Variants in TMEM131 observed in about 807,000 individuals in gnomAD.
TMEM131 encodes the protein transmembrane protein 131, also known as 2610524E03Rik.
TMEM131 carries 66 observed loss-of-function variants against 211.6 expected under a neutral mutation model. The ratio of observed to expected loss-of-function variants is 0.31; its 90% CI spans 0.26 to 0.38. The LOEUF (loss-of-function observed/expected upper bound fraction) is 0.38. TMEM131 is among the 10% of genes least tolerant of loss of function. The pLI is 1.00. For synonymous variants in TMEM131, 844 were observed against 841.3 expected, an observed-to-expected ratio of 1.00 and a Z score of -0.06; for missense variants, 2,036 against 2,299.3, an observed-to-expected ratio of 0.89 and a Z score of 2.34.
At chr2:97,868,113 C>T (rs1190867232) in intron 4 of TMEM131, among the ~76,000 whole-genome samples, 3 of 152,174 alleles carry the variant, frequency 2.0e-5, no homozygotes, top group Non-Finnish European at 4.4e-5. Context: ...ATGCATATTT[C>T]GAGTTGTTAT....
chr2:97,842,058 C>A (rs1158293529), intron 6 of TMEM131, 121 bp from the exon 7 acceptor site: 2 of 1,010,224 alleles, frequency 2.0e-6, no homozygotes, highest in Non-Finnish European at 2.6e-6. Flanking sequence ...TTAACAATCC[C>A]TTTATTTAAA....
At chr2:97,785,629 T>C (rs1302884728) in intron 31 of TMEM131, among the ~76,000 whole-genome samples, 11 of 152,194 alleles carry the variant, frequency 7.2e-5, no homozygotes, top group Admixed American at 5.9e-4. Context: ...AAATGAAATA[T>C]GCAACTATCA....
intron 11 of TMEM131, among the ~76,000 whole-genome samples, chr2:97,832,863 T>A (rs1438603319): frequency 6.6e-6 from 1 of 152,150 alleles, no homozygotes; most frequent in African/African-American, 2.4e-5. Flanking sequence ...AGGGCCTTAG[T>A]TTATAATGTG....
At chr2:97,943,046 AAAG>A (rs796670622) in intron 1 of TMEM131, among the ~76,000 whole-genome samples, 3,503 of 100,436 alleles carry the variant, frequency 0.035, 120 homozygotes, top group African/African-American at 0.044. Flanking sequence ...GAAAAGAAAG[AAAG>A]AAAGAAAGAA....
chr2:97,760,039 G>A, intron 38 of TMEM131: 1 of 366,648 alleles, frequency 2.7e-6, no homozygotes, highest in South Asian at 4.1e-5. Context: ...GGTACTGGAA[G>A]ATTTATTTAA....
intron 1 of TMEM131, among the ~76,000 whole-genome samples, chr2:97,955,123 G>A (rs985711140): frequency 2.6e-5 from 4 of 151,262 alleles, no homozygotes; most frequent in African/African-American, 9.7e-5. Flanking sequence ...ATAGAAAAAG[G>A]ACTACACACC....
intron 5 of TMEM131, among the ~76,000 whole-genome samples, chr2:97,852,275 C>T (rs372909440): frequency 1.3e-5 from 2 of 151,356 alleles, no homozygotes; most frequent in African/African-American, 4.9e-5. Flanking sequence ...GATTCTTGTG[C>T]CTCAGCCTCC....
intron 19 of TMEM131, among the ~76,000 whole-genome samples, chr2:97,808,870 G>A (rs578085892): frequency 7.0e-4 from 107 of 152,310 alleles, no homozygotes; most frequent in East Asian, 5.8e-4. Context: ...ATTGAATCTT[G>A]AAAGACACGC....
chr2:97,811,270 T>C (rs2104961662), intron 17 of TMEM131, 38 bp from the exon 18 acceptor site: 1 of 1,495,980 alleles, frequency 6.7e-7, no homozygotes, highest in Non-Finnish European at 9.3e-7. Flanking sequence ...ATTAGCCTTG[T>C]TAGTTGAAGT....
In TMEM131 at chr2:97,802,750, T is replaced by C. The variant is rs1681094775; in HGVS notation, c.2443A>G (p.Asn815Asp). ...TCAGCAGTGATTTTTGATATTATAT[T>C]TTTTTGAAGGTCTGTATTTACTTCA... is the stretch of plus-strand genomic sequence containing the variant. The part of the protein sequence containing the change: ...IFEVNTDLQK[N>D]IISKITAELS... The change falls in exon 23 of 41, where the codon AAT becomes GAT. Residue 815 changes from asparagine to aspartate, a missense_variant. Asn to Asp is a conservative substitution (Grantham distance 23). Coordinates refer to ENST00000186436, the MANE Select transcript of TMEM131 (RefSeq NM_015348.2). The C allele has an allele frequency of 6.3e-7, 1 of 1,575,012 alleles. No homozygotes were observed. The highest frequency in any genetic ancestry group is 1.4e-5 in the African/African-American group (1 of 72,572).
chr2:97,816,593 T>A (rs994131665), intron 12 of TMEM131, among the ~76,000 whole-genome samples: 1 of 152,196 alleles, frequency 6.6e-6, no homozygotes, highest in African/African-American at 2.4e-5. Context: ...AGTGTTTGAC[T>A]ATGGCAGACA....
chr2:97,853,143 C>G (rs889548046), intron 5 of TMEM131, among the ~76,000 whole-genome samples: 1 of 152,214 alleles, frequency 6.6e-6, no homozygotes, highest in African/African-American at 2.4e-5. Context: ...ATCCATTCTT[C>G]AGCCAAGGAT....
chr2:97,971,845 G>C (rs1426695572), intron 1 of TMEM131, among the ~76,000 whole-genome samples: 1 of 152,022 alleles, frequency 6.6e-6, no homozygotes, highest in Non-Finnish European at 1.5e-5. Context: ...CTGGGTGACA[G>C]AGCAAGACCC....
At chr2:97,825,616 C>T (rs992702229) in intron 11 of TMEM131, among the ~76,000 whole-genome samples, 3 of 152,128 alleles carry the variant, frequency 2.0e-5, no homozygotes, top group Non-Finnish European at 2.9e-5. Flanking sequence ...TAAAGCAGGC[C>T]CTACTACAAG....
At position 97,793,339 on chromosome 2, in the gene TMEM131, T is replaced by C. The variant is rs1003651414; in HGVS notation, c.3545+56A>G. On this transcript the variant is annotated intron_variant, in intron 30 of 40. Transcript: ENST00000186436. ...AAAAGAAACTTATTTTTTATTGTAATTTTATCAGCCAAATCTATGTACACT... is the reference window on the plus strand; with the variant it reads ...AAAAGAAACTTATTTTTTATTGTAACTTTATCAGCCAAATCTATGTACACT... 4.6e-6 allele frequency: 7 copies of C among 1,515,222 alleles called. No homozygotes were observed. The African/African-American group carries it at 8.4e-5, about 18-fold the overall frequency. The allele number at this position is 1,515,222 out of a possible 1,614,324, so 93.9% of individuals were successfully genotyped here.
intron 4 of TMEM131, among the ~76,000 whole-genome samples, chr2:97,873,138 G>C (rs1573490343): frequency 6.6e-6 from 1 of 152,234 alleles, no homozygotes; most frequent in East Asian, 1.9e-4. Flanking sequence ...AAGTCACGGG[G>C]AAGTTCGAAC....
chr2:97,781,897 C>CA (rs1680023817), intron 31 of TMEM131, among the ~76,000 whole-genome samples: 1 of 152,222 alleles, frequency 6.6e-6, no homozygotes, highest in South Asian at 2.1e-4. Flanking sequence ...CCCAGCAAGA[C>CA]AAAGGCTCCA....
intron 17 of TMEM131, among the ~76,000 whole-genome samples, chr2:97,811,921 G>T (rs1681565685): frequency 6.6e-6 from 1 of 151,992 alleles, no homozygotes; most frequent in Non-Finnish European, 1.5e-5. Flanking sequence ...CTCTTGTTTA[G>T]CGCTCTCTGA....
At position 97,824,783 on chromosome 2, in the gene TMEM131, G is replaced by A. The variant is rs1365925390; in HGVS notation, c.1075-6062C>T. Among the ~76,000 whole-genome samples, 4 of 152,182 alleles carry A rather than the reference G, an allele frequency of 2.6e-5. No homozygotes were observed. In the South Asian group the frequency reaches 8.3e-4, roughly 31 times the overall value. On this transcript the variant is annotated intron_variant, in intron 11 of 40. Coordinates refer to ENST00000186436, the MANE Select transcript of TMEM131 (RefSeq NM_015348.2). ...CCCTTAAGGCCTGAAGCTCATAAAG[G>A]ATTACAGGATATTGTTAAACATTTA...
Sources: gnomAD v4.1 joint callset for allele counts (sites outside exome capture counted in the v4.1 genomes callset) on GRCh38, gnomAD v4.1.1 for gene constraint, MANE v1.5 for transcripts, NCBI Gene and HGNC (gene_info 2026-07-23, HGNC 2026-07-21) for gene names.